The following MAP4K3 variants were observed in gnomAD, a reference collection of about 807,000 sequenced individuals.
The protein encoded by MAP4K3 is MAPK/ERK kinase kinase kinase 3.
Under a neutral mutation model 143.5 loss-of-function variants are expected in MAP4K3, and 94 were observed. The ratio of observed to expected loss-of-function variants is 0.65; its 90% confidence interval spans 0.55 to 0.78. MAP4K3 has a LOEUF of 0.78. Among genes scored for constraint, MAP4K3 ranks in the 30% least tolerant of loss-of-function variants. The pLI, the probability that MAP4K3 is intolerant of heterozygous loss-of-function variation, is 0.00. For missense variants in MAP4K3, 1,077 were observed against 1,068.1 expected, an observed-to-expected ratio of 1.01 and a Z score of -0.12; for synonymous variants, 416 against 347.2, an observed-to-expected ratio of 1.20 and a Z score of -2.20.
At chr2:39,251,225 A>C (rs1234608738) in intron 33 of MAP4K3, among the ~76,000 whole-genome samples, 1 of 152,174 alleles carries the variant, frequency 6.6e-6, no homozygotes, top group Non-Finnish European at 1.5e-5. Flanking sequence ...GAGTCAACCT[A>C]CTTGTGGGTA....
chr2:39,258,237 C>G, intron 31 of MAP4K3, 111 bp downstream of exon 31: 4 of 839,314 alleles, frequency 4.8e-6, no homozygotes, highest in Non-Finnish European at 7.3e-6. Flanking sequence ...CAGCCATATC[C>G]TTTATTTTAA....
chr2:39,404,867 C>T (rs1667053235), intron 1 of MAP4K3, among the ~76,000 whole-genome samples: 3 of 152,064 alleles, frequency 2.0e-5, no homozygotes, highest in South Asian at 4.1e-4. Context: ...GGGATCCGCC[C>T]GCCTTGGCCT....
chr2:39,325,802 A>G lies in MAP4K3; in HGVS notation c.735T>C (p.Ser245=). The part of the protein sequence containing the change: ...KLKDKMKWSN[S]FHHFVKMALT... ...GTGCCATTTTCACAAAGTGATGAAA[A>G]CTATTTGACCTAAGAAATTTAGAAA... Residue 245 remains serine, a synonymous_variant, in exon 11 of 34, where the codon AGT becomes AGC. Coordinates refer to ENST00000263881, the MANE Select transcript of MAP4K3 (RefSeq NM_003618.4). 6.2e-7 allele frequency: 1 copy of G among 1,606,508 alleles called. No homozygotes were observed. The highest frequency in any genetic ancestry group is 8.5e-7 in the Non-Finnish European group (1 of 1,177,148).
Position 39,356,307 on chromosome 2 carries a change from T to C in MAP4K3, c.187A>G (p.Ile63Val), listed in dbSNP as rs1269561649. 3.1e-6 allele frequency: 5 copies of C among 1,603,748 alleles called. No individual in the cohort carries two copies. The highest frequency in any genetic ancestry group is 1.3e-5 in the African/African-American group (1 of 74,732). ...GGGTGTTTACAGTCTTTCATCATAA[T>C]AATTTCTTGCTGCACAACTGCAAAG... ...EDFAVVQQEI[I>V]MMKDCKHPNI... Residue 63 changes from isoleucine (I) to valine (V), a missense_variant, in exon 3 of 34, where the codon ATT (isoleucine) becomes GTT (valine). Physicochemically the swap from Ile to Val is conservative, Grantham distance 29. Coordinates refer to ENST00000263881, the MANE Select transcript of MAP4K3 (RefSeq NM_003618.4).
At chr2:39,275,045 T>TA (rs1681188641) in intron 24 of MAP4K3, among the ~76,000 whole-genome samples, 1 of 152,210 alleles carries the variant, frequency 6.6e-6, no homozygotes, top group Admixed American at 6.5e-5. Context: ...TCTTTACTCT[T>TA]ATAGGCTCCC....
chr2:39,370,768 G>C (rs934661283), intron 2 of MAP4K3, among the ~76,000 whole-genome samples: 25 of 152,072 alleles, frequency 1.6e-4, no homozygotes, highest in African/African-American at 5.8e-4. Flanking sequence ...CCTATGAGTT[G>C]CTACCTAATG....
At chr2:39,358,602 G>A (rs377290529) in intron 2 of MAP4K3, among the ~76,000 whole-genome samples, 2 of 152,142 alleles carry the variant, frequency 1.3e-5, no homozygotes, top group South Asian at 4.1e-4. Flanking sequence ...ATGTGATTGT[G>A]AGAATGGTCA....
At chr2:39,326,374 G>A (rs982251314) in intron 8 of MAP4K3, 97 bp from the exon 9 acceptor site, 2 of 1,298,142 alleles carry the variant, frequency 1.5e-6, no homozygotes, top group Admixed American at 2.3e-5. Flanking sequence ...TCTAAATTAA[G>A]GCCTCTTTAG....
chr2:39,404,865 C>A (rs1224145442), intron 1 of MAP4K3, among the ~76,000 whole-genome samples: 3 of 152,116 alleles, frequency 2.0e-5, no homozygotes, highest in Non-Finnish European at 2.9e-5. Context: ...AGGGGATCCG[C>A]CCGCCTTGGC....
chr2:39,336,946 T>G lies in MAP4K3; in HGVS notation c.388A>C (p.Lys130Gln). The G allele has an allele frequency of 1.5e-6, 2 of 1,328,988 alleles. 1 individual carries two copies. The highest frequency in any genetic ancestry group is 2.6e-5 in the South Asian group (2 of 76,600). The allele number at this position is 1,328,988 out of a possible 1,614,324, so 82.3% of individuals were successfully genotyped here. Residue 130 changes from lysine to glutamine, a missense_variant, in exon 6 of 34, where the codon AAA becomes CAA. Transcript: ENST00000263881. The part of the protein sequence containing the change: ...TLQGLYYLHS[K>Q]GKMHRDIKGA... ...TTTATATCTCTGTGCATTTTTCCTT[T>G]ACTGTGAAGATAATATAATCCCTGG...
chr2:39,339,097 G>T (rs1665067938), intron 4 of MAP4K3, among the ~76,000 whole-genome samples: 1 of 152,114 alleles, frequency 6.6e-6, no homozygotes, highest in African/African-American at 2.4e-5. Flanking sequence ...TAAAAACCTT[G>T]GCTAGATAGT....
At chr2:39,268,634 A>ATTTTTTTTTCTTTTTTTTT (rs1680878440) in intron 26 of MAP4K3, among the ~76,000 whole-genome samples, 1 of 73,770 alleles carries the variant, frequency 1.4e-5, no homozygotes, top group Non-Finnish European at 2.4e-5. Flanking sequence ...GATTTTTTCT[A>ATTTTTTTTTCTTTTTTTTT]TTTTTTTTTT....
intron 16 of MAP4K3, 73 bp downstream of exon 16, chr2:39,299,670 T>C: frequency 1.3e-6 from 1 of 770,926 alleles, no homozygotes; most frequent in Non-Finnish European, 2.0e-6. Flanking sequence ...CTACCTTAAA[T>C]ATTAAAATAT....
At chr2:39,285,635 A>G (rs1681738339) in intron 21 of MAP4K3, among the ~76,000 whole-genome samples, 1 of 151,138 alleles carries the variant, frequency 6.6e-6, no homozygotes, top group South Asian at 2.1e-4. Flanking sequence ...ATTTTTAAAA[A>G]GTTAAACAGA....
At chr2:39,339,204 A>G (rs772555203) in intron 4 of MAP4K3, among the ~76,000 whole-genome samples, 2 of 152,160 alleles carry the variant, frequency 1.3e-5, no homozygotes, top group Non-Finnish European at 2.9e-5. Context: ...ATCTATTCCA[A>G]TTAGATTATT....
At chr2:39,315,972 C>T (rs979637186) in intron 12 of MAP4K3, among the ~76,000 whole-genome samples, 1 of 151,894 alleles carries the variant, frequency 6.6e-6, no homozygotes, top group Non-Finnish European at 1.5e-5. Flanking sequence ...GAATTGTAAT[C>T]GATTTAACTA....
chr2:39,265,971 GGAACAGCA>G (rs1297968272), intron 27 of MAP4K3, among the ~76,000 whole-genome samples: 3 of 151,992 alleles, frequency 2.0e-5, no homozygotes, highest in Non-Finnish European at 4.4e-5. Context: ...TGTGAAAAGG[GGAACAGCA>G]GTAAAGTTCA....
chr2:39,258,393 T>C lies in MAP4K3; in HGVS notation c.2425A>G (p.Lys809Glu), dbSNP rs780161356. ...NLQGRLKSSR[K>E]LSSELTFDFQ... ...TCAAAGGTGAGTTCTGATGACAATT[T>C]CCTGCTAGATTTTAATCTTCCTTGG... Residue 809 changes from lysine (K) to glutamate (E), a missense_variant, in exon 31 of 34, where the codon AAA becomes GAA. Lys to Glu is a moderately conservative substitution (Grantham distance 56). This residue lies in a region of MAP4K3 where 864 missense variants were observed against 801.2 expected (regional missense o/e 1.08). Coordinates refer to ENST00000263881, the MANE Select transcript of MAP4K3 (RefSeq NM_003618.4). 66 of 1,611,348 alleles carry C rather than the reference T, an allele frequency of 4.1e-5. No individual in the cohort carries two copies. Among genetic ancestry groups the C allele is most frequent in the Non-Finnish European group, 5.5e-5 (65 of 1,178,888 alleles).
chr2:39,254,337 A>G lies in MAP4K3; in HGVS notation c.2541+113T>C. ...ACTTTATCAATAGACTAAATACAGTAAGTATTAATAAAGTTAGCCAATCAA... is the reference window on the plus strand; with the variant it reads ...ACTTTATCAATAGACTAAATACAGTGAGTATTAATAAAGTTAGCCAATCAA... On this transcript the variant is annotated intron_variant, in intron 32 of 33. Coordinates refer to ENST00000263881, the MANE Select transcript of MAP4K3 (RefSeq NM_003618.4). The G allele has an allele frequency of 5.1e-6, 4 of 778,310 alleles. No individual in the cohort carries two copies. In the South Asian group the frequency reaches 6.8e-5, roughly 13 times the overall value. The allele number at this position is 778,310 out of a possible 1,614,324, so 48.2% of individuals were successfully genotyped here.
Sources: allele counts gnomAD v4.1 joint callset (sites outside exome capture counted in the v4.1 genomes callset), GRCh38; gene constraint gnomAD v4.1.1; regional missense constraint gnomAD v4.1.1; transcripts MANE v1.5; gene names NCBI Gene and HGNC (gene_info 2026-07-23, HGNC 2026-07-21).